The following PCLO variants were observed in gnomAD, a reference collection of about 807,000 sequenced individuals.
PCLO encodes the protein piccolo presynaptic cytomatrix protein, also known as protein piccolo.
A neutral mutation model predicts 427.5 loss-of-function variants in PCLO; 82 were observed. The ratio of observed to expected loss-of-function variants is 0.19; its 90% CI spans 0.16 to 0.23. The LOEUF (loss-of-function observed/expected upper bound fraction) is 0.23, where lower values mean the gene tolerates loss of function less well. PCLO is among the 10% of genes least tolerant of loss of function. The pLI is 1.00. For synonymous variants in PCLO, 2,357 were observed against 2,155.4 expected (o/e 1.09, Z -2.59); for missense variants, 6,239 against 6,115.9 (o/e 1.02, Z -0.67).
intron 3 of PCLO, among the ~76,000 whole-genome samples, chr7:83,075,501 A>G (rs1024906366): frequency 8.9e-4 from 136 of 152,324 alleles, no homozygotes; most frequent in African/African-American, 3.1e-3. Flanking sequence ...TAAAGATAGT[A>G]AACAGCAAAA....
chr7:83,154,840 C>A lies in PCLO; in HGVS notation c.1801G>T (p.Val601Phe), dbSNP rs1792227236. The A allele has an allele frequency of 6.2e-7, 1 of 1,613,934 alleles. No homozygotes were observed. The highest frequency in any genetic ancestry group is 2.2e-5 in the East Asian group (1 of 44,884). Residue 601 changes from valine to phenylalanine, a missense_variant, in exon 2 of 25, where the codon GTT becomes TTT. Transcript: ENST00000333891. ...GTGTTAAAATTGGCCTTTTCTGGAA[C>A]ATGCAACAGAAGTTCAGTGGTATTG... ...LCNTTELLLH[V>F]PEKANFNTCT...
At chr7:82,881,114 T>C (rs912603838) in intron 9 of PCLO, among the ~76,000 whole-genome samples, 21 of 152,130 alleles carry the variant, frequency 1.4e-4, no homozygotes, top group Middle Eastern at 3.2e-3. Context: ...TGGTGGCTCA[T>C]GCCTGTAATC....
intron 3 of PCLO, among the ~76,000 whole-genome samples, chr7:83,095,963 T>A (rs1236055175): frequency 1.3e-5 from 2 of 152,064 alleles, no homozygotes; most frequent in African/African-American, 4.8e-5. Flanking sequence ...ACAAATAATT[T>A]TTTTCTCTCC....
chr7:82,947,312 G>GT (rs1795226709), intron 6 of PCLO, among the ~76,000 whole-genome samples: 1 of 152,076 alleles, frequency 6.6e-6, no homozygotes, highest in Non-Finnish European at 1.5e-5. Context: ...AGTGGTGTAA[G>GT]TTTTTTAAAT....
intron 3 of PCLO, among the ~76,000 whole-genome samples, chr7:83,047,364 T>C (rs780469841): frequency 4.6e-5 from 7 of 152,144 alleles, no homozygotes; most frequent in Non-Finnish European, 8.8e-5. Context: ...GTATCACACA[T>C]AGTTTATACC....
intron 3 of PCLO, among the ~76,000 whole-genome samples, chr7:82,968,871 G>A (rs186279580): frequency 9.9e-5 from 15 of 152,190 alleles, no homozygotes; most frequent in East Asian, 5.8e-4. Flanking sequence ...CTGCATTACC[G>A]TGCTGATTTG....
intron 10 of PCLO, among the ~76,000 whole-genome samples, chr7:82,866,228 T>C (rs1268113542): frequency 1.3e-5 from 2 of 152,228 alleles, no homozygotes; most frequent in East Asian, 1.9e-4. Flanking sequence ...AAGCTTTCTC[T>C]TACCACCTCA....
intron 3 of PCLO, among the ~76,000 whole-genome samples, chr7:83,093,492 A>ATATATATATATATTTTTTTTT: frequency 3.4e-5 from 2 of 59,318 alleles, no homozygotes; most frequent in Admixed American, 2.9e-4. Context: ...ATATATATAT[A>ATATATATATATATTTTTTTTT]TTTTTTTTTT....
At chr7:82,920,409 T>C (rs1243551894) in intron 6 of PCLO, among the ~76,000 whole-genome samples, 1 of 151,374 alleles carries the variant, frequency 6.6e-6, no homozygotes, top group Admixed American at 6.6e-5. Context: ...GCCTTTAATC[T>C]AGAAAAAAAA....
intron 3 of PCLO, among the ~76,000 whole-genome samples, chr7:83,066,891 A>G (rs1214097250): frequency 6.6e-6 from 1 of 152,194 alleles, no homozygotes; most frequent in Non-Finnish European, 1.5e-5. Context: ...GTAAAATAAC[A>G]ACACAGATTA....
intron 2 of PCLO, 87 bp from the exon 3 acceptor site, chr7:83,135,743 C>G: frequency 1.4e-6 from 1 of 729,124 alleles, no homozygotes; most frequent in Non-Finnish European, 2.2e-6. Flanking sequence ...CCATTTGAAA[C>G]TATGTCTCTC....
At chr7:83,136,707 A>G (rs1005826811) in intron 2 of PCLO, among the ~76,000 whole-genome samples, 1 of 152,150 alleles carries the variant, frequency 6.6e-6, no homozygotes, top group Non-Finnish European at 1.5e-5. Flanking sequence ...CAATATGAGT[A>G]AGTAACGTAC....
chr7:82,809,417 T>G (rs2129468923), intron 20 of PCLO, among the ~76,000 whole-genome samples: 1 of 151,820 alleles, frequency 6.6e-6, no homozygotes, highest in East Asian at 1.9e-4. Context: ...TGTAAAGGCC[T>G]AGCTCAGAAA....
intron 3 of PCLO, among the ~76,000 whole-genome samples, chr7:83,067,750 A>G (rs905119283): frequency 6.6e-6 from 1 of 152,218 alleles, no homozygotes; most frequent in East Asian, 1.9e-4. Context: ...AGTAAGATGC[A>G]TCATCTTTAT....
chr7:82,774,826 T>C lies in PCLO; in HGVS notation c.15008-13333A>G, dbSNP rs574457504. ...CATTCCAGGGGTTTGGAAAAATACA[T>C]GACATATATCCACCATTATAGTATC... On this transcript the variant is annotated intron_variant, in intron 22 of 24. Transcript: ENST00000333891. 2.6e-5 allele frequency among the ~76,000 whole-genome samples: 4 copies of C among 152,306 alleles called. No homozygotes were observed. In the East Asian group the frequency reaches 5.8e-4, roughly 22 times the overall value.
chr7:83,091,488 G>A (rs1188019750), intron 3 of PCLO, among the ~76,000 whole-genome samples: 2 of 152,098 alleles, frequency 1.3e-5, no homozygotes, highest in Non-Finnish European at 2.9e-5. Flanking sequence ...CCCTGATTTT[G>A]AGAATTACTC....
chr7:82,925,626 C>G (rs1794694704), intron 6 of PCLO, among the ~76,000 whole-genome samples: 1 of 151,886 alleles, frequency 6.6e-6, no homozygotes, highest in South Asian at 2.1e-4. Flanking sequence ...TATTAAGCAC[C>G]ATCCCTCTAT....
At chr7:82,766,451 T>G (rs377278301) in intron 22 of PCLO, among the ~76,000 whole-genome samples, 2 of 152,086 alleles carry the variant, frequency 1.3e-5, no homozygotes, top group African/African-American at 4.8e-5. Flanking sequence ...CCTCTCACTC[T>G]TTCCTTTAAA....
At chr7:83,094,684 A>G (rs1168638740) in intron 3 of PCLO, among the ~76,000 whole-genome samples, 1 of 152,204 alleles carries the variant, frequency 6.6e-6, no homozygotes, top group Non-Finnish European at 1.5e-5. Context: ...CGAGAAAAAA[A>G]GCTGCTATAA....
Sources: allele counts gnomAD v4.1 joint callset (sites outside exome capture counted in the v4.1 genomes callset), GRCh38; gene constraint gnomAD v4.1.1; transcripts MANE v1.5; gene names NCBI Gene and HGNC (gene_info 2026-07-23, HGNC 2026-07-21).